Variants in ARHGAP6 observed in about 807,000 individuals in gnomAD.
The protein encoded by ARHGAP6 is Rho GTPase activating protein 6, also known as rho GTPase-activating protein 6.
In ARHGAP6, 16 loss-of-function variants were observed where a neutral mutation model predicts 55.7. That is an observed-to-expected ratio of 0.29 (90% CI 0.19 to 0.44). ARHGAP6 has a LOEUF of 0.44. ARHGAP6 is among the 20% of genes least tolerant of loss of function. The pLI is 1.00. For synonymous variants in ARHGAP6, 382 were observed against 360.9 expected (o/e 1.06, Z -0.66); for missense variants, 698 against 808.9 (o/e 0.86, Z 1.66).
intron 1 of ARHGAP6, among the ~76,000 whole-genome samples, chrX:11,340,711 A>G (rs1209139768): frequency 9.3e-6 from 1 of 107,778 alleles, no homozygotes; most frequent in Non-Finnish European, 1.9e-5. Flanking sequence ...CCTGGGAGAA[A>G]GAGTGAGACT....
chrX:11,644,858 T>TAAAACTTGTATCTACATA (rs2052511095), intron 1 of ARHGAP6, among the ~76,000 whole-genome samples: 1 of 111,727 alleles, frequency 9.0e-6, no homozygotes. Flanking sequence ...CTAGAGAAAT[T>TAAAACTTGTATCTACATA]AAAACTTGTA....
At chrX:11,461,110 C>G in intron 1 of ARHGAP6, among the ~76,000 whole-genome samples, 1 of 111,704 alleles carries the variant, frequency 9.0e-6, no homozygotes, top group Middle Eastern at 4.6e-3. Flanking sequence ...ACTTTCTTGG[C>G]CAGAAAGTAA....
At chrX:11,235,841 T>C (rs961544258) in intron 2 of ARHGAP6, among the ~76,000 whole-genome samples, 5 of 111,687 alleles carry the variant, frequency 4.5e-5, no homozygotes, top group African/African-American at 1.6e-4. Context: ...ATCAGCATTT[T>C]GGTCAAAGCC....
rs918395616 is a variant in ARHGAP6, at chrX:11,474,565, G to T, written c.588+189676C>A. Reference sequence around the variant, plus strand: ...TAGTCATACAGAAGAATAAAAATATGCAATCAAAGGGACAAATTAAAATTA... The same window carrying T: ...TAGTCATACAGAAGAATAAAAATATTCAATCAAAGGGACAAATTAAAATTA... On this transcript the variant is annotated intron_variant, in intron 1 of 12. Coordinates refer to ENST00000337414, the MANE Select transcript of ARHGAP6 (RefSeq NM_013427.3). Among the ~76,000 whole-genome samples, 6 of 112,142 alleles carry T rather than the reference G, an allele frequency of 5.4e-5. No individual in the cohort carries two copies. The East Asian group carries it at 1.4e-3, about 26-fold the overall frequency.
At chrX:11,654,213 T>C (rs974258862) in intron 1 of ARHGAP6, among the ~76,000 whole-genome samples, 1 of 111,555 alleles carries the variant, frequency 9.0e-6, no homozygotes, top group African/African-American at 3.3e-5. Flanking sequence ...GGCCTCAAAG[T>C]ACCAGCTTGC....
chrX:11,386,884 A>G (rs762219062), intron 1 of ARHGAP6, among the ~76,000 whole-genome samples: 5 of 112,013 alleles, frequency 4.5e-5, no homozygotes, highest in Non-Finnish European at 9.4e-5. Flanking sequence ...CAAAGGAAGA[A>G]ATACCCGCTT....
intron 10 of ARHGAP6, among the ~76,000 whole-genome samples, chrX:11,145,311 A>G (rs1248483305): frequency 8.9e-6 from 1 of 112,311 alleles, no homozygotes; most frequent in African/African-American, 3.2e-5. Flanking sequence ...TTGTGCATGC[A>G]AACTGGAGGA....
Position 11,186,308 on chromosome X carries a change from G to A in ARHGAP6, c.1201C>T (p.Leu401Phe), listed in dbSNP as rs760161437. 6 of 1,211,740 alleles carry A rather than the reference G, an allele frequency of 5.0e-6. No individual in the cohort carries two copies. Among genetic ancestry groups the A allele is most frequent in the Non-Finnish European group, 6.7e-6 (6 of 895,446 alleles). ...TGTCTGTAAATAGGATTCAGACTGA[G>A]TTTCTTATCTCTGGCTTTTTCCTTT... ...SKKEKARDKK[L>F]SLNPIYRQVP... Residue 401 changes from leucine (L) to phenylalanine (F), a missense_variant, in exon 5 of 13, where the codon CTC becomes TTC. By Grantham distance (22) the Leu-to-Phe change is conservative. This residue lies in a region of ARHGAP6 where 322 missense variants were observed against 451.1 expected (regional missense o/e 0.71). Coordinates refer to ENST00000337414, the MANE Select transcript of ARHGAP6 (RefSeq NM_013427.3).
chrX:11,609,552 G>C (rs768047503), intron 1 of ARHGAP6, among the ~76,000 whole-genome samples: 2 of 112,037 alleles, frequency 1.8e-5, no homozygotes, highest in South Asian at 7.5e-4. Context: ...CCCTCAGGCA[G>C]AGTTTAAGAA....
At chrX:11,543,145 A>G (rs1480175529) in intron 1 of ARHGAP6, among the ~76,000 whole-genome samples, 1 of 112,244 alleles carries the variant, frequency 8.9e-6, no homozygotes, top group African/African-American at 3.2e-5. Flanking sequence ...GCAGATACCA[A>G]TGGAACTTTA....
chrX:11,242,138 T>G (rs1169381901), intron 2 of ARHGAP6, among the ~76,000 whole-genome samples: 1 of 112,167 alleles, frequency 8.9e-6, no homozygotes, highest in East Asian at 2.8e-4. Flanking sequence ...CTATATCATC[T>G]TCAAGAGGAG....
chrX:11,638,944 G>C (rs1464542111), intron 1 of ARHGAP6, among the ~76,000 whole-genome samples: 1 of 111,500 alleles, frequency 9.0e-6, no homozygotes, highest in Non-Finnish European at 1.9e-5. Context: ...TGCCACACTT[G>C]TAAATGGGAA....
intron 1 of ARHGAP6, among the ~76,000 whole-genome samples, chrX:11,357,509 G>A (rs1319591915): frequency 9.0e-6 from 1 of 111,576 alleles, no homozygotes; most frequent in East Asian, 2.8e-4. Flanking sequence ...TTATGATTTG[G>A]CTCATGGCTT....
chrX:11,154,149 AT>A (rs372946829), intron 10 of ARHGAP6, among the ~76,000 whole-genome samples: 1 of 110,854 alleles, frequency 9.0e-6, no homozygotes, highest in Admixed American at 9.6e-5. Flanking sequence ...TGAACTCTTC[AT>A]TTTTTATGGC....
Position 11,664,757 on chromosome X carries a change from G to T in ARHGAP6, c.72C>A (p.Ala24=). 8.3e-7 allele frequency: 1 copy of T among 1,201,441 alleles called. No homozygotes were observed. Reference sequence around the variant, plus strand: ...GCAGCTTCCTCTTGGAGAAGCCCTTGGCCGAGGCCGCGCTACTTGAAGCGG... The same window carrying T: ...GCAGCTTCCTCTTGGAGAAGCCCTTTGCCGAGGCCGCGCTACTTGAAGCGG... The part of the protein sequence containing the change: ...SSPASSSAAS[A]KGFSKRKLRQ... Residue 24 remains alanine, a synonymous_variant, in exon 1 of 13, where the codon GCC becomes GCA. Coordinates refer to ENST00000337414, the MANE Select transcript of ARHGAP6 (RefSeq NM_013427.3).
At chrX:11,482,454 C>T (rs1044009840) in intron 1 of ARHGAP6, among the ~76,000 whole-genome samples, 5 of 111,470 alleles carry the variant, frequency 4.5e-5, no homozygotes, top group Non-Finnish European at 9.4e-5. Flanking sequence ...GGGGAATGTG[C>T]AGAGGGCTGA....
At chrX:11,519,612 C>G (rs1212848093) in intron 1 of ARHGAP6, among the ~76,000 whole-genome samples, 3 of 110,388 alleles carry the variant, frequency 2.7e-5, no homozygotes, top group Non-Finnish European at 5.7e-5. Flanking sequence ...GTAACCAAAA[C>G]AGCATGGTAC....
chrX:11,593,276 T>C (rs764319072), intron 1 of ARHGAP6, among the ~76,000 whole-genome samples: 1 of 111,692 alleles, frequency 9.0e-6, no homozygotes, highest in Non-Finnish European at 1.9e-5. Flanking sequence ...GACCTTTGGC[T>C]CTCGTAGAGT....
chrX:11,641,539 A>C (rs2052474781), intron 1 of ARHGAP6, among the ~76,000 whole-genome samples: 1 of 111,844 alleles, frequency 8.9e-6, no homozygotes, highest in Non-Finnish European at 1.9e-5. Context: ...TCACACATTA[A>C]CAGCTCGGTC....
Sources: gnomAD v4.1 joint callset for allele counts (sites outside exome capture counted in the v4.1 genomes callset) on GRCh38, gnomAD v4.1.1 for gene constraint, gnomAD v4.1.1 regional missense constraint, MANE v1.5 for transcripts, NCBI Gene and HGNC (gene_info 2026-07-23, HGNC 2026-07-21) for gene names.